LIMS1: variants seen among roughly 807,000 people sequenced by gnomAD.
LIMS1 encodes the protein LIM and senescent cell antigen-like-containing domain protein 1.
Under a neutral mutation model 44.1 loss-of-function variants are expected in LIMS1, and 18 were observed. The ratio of observed to expected loss-of-function variants is 0.41; its 90% CI spans 0.28 to 0.61. The LOEUF is 0.61. Among genes scored for constraint, LIMS1 ranks in the 20% least tolerant of loss-of-function variants. LIMS1 has a pLI of 0.32. For missense variants in LIMS1, 201 were observed against 422.0 expected, an observed-to-expected ratio of 0.48 and a Z score of 4.59; for synonymous variants, 93 against 149.1, an observed-to-expected ratio of 0.62 and a Z score of 2.74.
intron 1 of LIMS1, among the ~76,000 whole-genome samples, chr2:108,594,222 C>A (rs1024539904): frequency 4.6e-5 from 7 of 152,026 alleles, no homozygotes; most frequent in Admixed American, 4.6e-4. Flanking sequence ...CACCACAGAC[C>A]CCTGCCCTCT....
At chr2:108,561,714 G>T (rs866054096) in intron 1 of LIMS1, among the ~76,000 whole-genome samples, 1 of 149,412 alleles carries the variant, frequency 6.7e-6, no homozygotes, top group South Asian at 2.2e-4. Flanking sequence ...ATTATATGTT[G>T]TGGTTCTCTG....
chr2:108,539,366 C>A, intron 1 of LIMS1, among the ~76,000 whole-genome samples: 1 of 152,236 alleles, frequency 6.6e-6, no homozygotes, highest in East Asian at 1.9e-4. Context: ...ATTACAGGCG[C>A]GAGCCACTGC....
At chr2:108,607,318 T>C in intron 1 of LIMS1, 4 of 1,451,726 alleles carry the variant, frequency 2.8e-6, no homozygotes, top group Non-Finnish European at 2.8e-6. Flanking sequence ...TAGAACATAA[T>C]TGAGCACACC....
chr2:108,678,677 A>G (rs1163306431), intron 8 of LIMS1: 1 of 152,242 alleles, frequency 6.6e-6, no homozygotes, highest in Non-Finnish European at 1.5e-5. Context: ...CTTTAGTGCC[A>G]TTGAAAATAA....
intron 2 of LIMS1, chr2:108,660,143 C>T (rs549333903): frequency 1.1e-4 from 53 of 485,404 alleles, no homozygotes; most frequent in African/African-American, 9.1e-4. Flanking sequence ...GTGTCTTTCC[C>T]CCTTCTCAGA....
At chr2:108,593,395 C>T (rs559796559) in intron 1 of LIMS1, among the ~76,000 whole-genome samples, 3 of 152,172 alleles carry the variant, frequency 2.0e-5, no homozygotes, top group East Asian at 3.9e-4. Context: ...TCCTTCTCAC[C>T]GCCTGCCTTC....
At chr2:108,608,550 C>T (rs1687406866) in intron 1 of LIMS1, among the ~76,000 whole-genome samples, 1 of 152,180 alleles carries the variant, frequency 6.6e-6, no homozygotes, top group African/African-American at 2.4e-5. Flanking sequence ...ATGATCTGCC[C>T]TCCTCGGCCT....
intron 2 of LIMS1, chr2:108,662,590 C>T: frequency 9.3e-7 from 1 of 1,077,250 alleles, no homozygotes; most frequent in South Asian, 2.3e-5. Context: ...TGTAAACCTG[C>T]ATCTGGAGAA....
At chr2:108,558,118 A>G (rs1048919311) in intron 1 of LIMS1, among the ~76,000 whole-genome samples, 1 of 152,226 alleles carries the variant, frequency 6.6e-6, no homozygotes, top group Non-Finnish European at 1.5e-5. Flanking sequence ...GTATCTTTGA[A>G]ACATACTAGA....
chr2:108,645,813 T>C (rs1452453388), intron 1 of LIMS1, among the ~76,000 whole-genome samples: 1 of 135,470 alleles, frequency 7.4e-6, no homozygotes, highest in African/African-American at 2.8e-5. Context: ...ACCAAGCAAA[T>C]GGAAAGCAAA....
At chr2:108,641,211 TA>T (rs1689647021) in intron 1 of LIMS1, among the ~76,000 whole-genome samples, 1 of 152,204 alleles carries the variant, frequency 6.6e-6, no homozygotes, top group African/African-American at 2.4e-5. Flanking sequence ...CTTCCAGAAA[TA>T]TTTCAACCTG....
chr2:108,602,747 T>C (rs752081643), intron 1 of LIMS1, among the ~76,000 whole-genome samples: 2 of 152,160 alleles, frequency 1.3e-5, no homozygotes, highest in Non-Finnish European at 2.9e-5. Context: ...ATCAGAGATA[T>C]TGACCTGTAG....
intron 1 of LIMS1, among the ~76,000 whole-genome samples, chr2:108,613,230 T>G (rs1687755360): frequency 6.6e-6 from 1 of 152,220 alleles, no homozygotes; most frequent in South Asian, 2.1e-4. Context: ...GAGACTGAGC[T>G]TTACAATACA....
intron 1 of LIMS1, among the ~76,000 whole-genome samples, chr2:108,612,013 T>TTATATATACACACATATAC (rs1687671188): frequency 1.5e-5 from 1 of 66,728 alleles, no homozygotes; most frequent in Non-Finnish European, 3.4e-5. Flanking sequence ...CACACATATA[T>TTATATATACACACATATAC]ATATACACAC....
intron 1 of LIMS1, among the ~76,000 whole-genome samples, chr2:108,622,378 G>A (rs1202681428): frequency 2.0e-5 from 3 of 152,194 alleles, no homozygotes; most frequent in East Asian, 3.9e-4. Context: ...ATGTAACAAG[G>A]ACAAATTGAC....
intron 1 of LIMS1, among the ~76,000 whole-genome samples, chr2:108,587,890 C>T (rs774573882): frequency 5.9e-5 from 9 of 152,110 alleles, no homozygotes; most frequent in Non-Finnish European, 1.0e-4. Context: ...CTGGCGTGCC[C>T]GTCCCTAAGC....
At chr2:108,558,861 G>A (rs143053293) in intron 1 of LIMS1, among the ~76,000 whole-genome samples, 1,708 of 151,784 alleles carry the variant, frequency 0.011, 9 homozygotes, top group Non-Finnish European at 0.017. Context: ...GGTAGAGACG[G>A]GGTTTCACCA....
intron 1 of LIMS1, among the ~76,000 whole-genome samples, chr2:108,572,380 C>CTTTT (rs780841996): frequency 3.5e-4 from 40 of 112,718 alleles, no homozygotes; most frequent in South Asian, 6.0e-4. Context: ...GGGACTCTTG[C>CTTTT]TTTTTTTTTT....
At chr2:108,630,301 C>T (rs1394585765) in intron 1 of LIMS1, among the ~76,000 whole-genome samples, 5 of 152,052 alleles carry the variant, frequency 3.3e-5, no homozygotes, top group Non-Finnish European at 7.4e-5. Context: ...CTGTAGTGAG[C>T]CTCCTTCGAA....
Sources: gnomAD v4.1 joint callset for allele counts (sites outside exome capture counted in the v4.1 genomes callset) on GRCh38, gnomAD v4.1.1 for gene constraint, MANE v1.5 for transcripts, NCBI Gene and HGNC (gene_info 2026-07-23, HGNC 2026-07-21) for gene names.